Variants in DHRS9 observed in about 807,000 individuals in gnomAD.
The protein encoded by DHRS9 is dehydrogenase/reductase 9.
A neutral mutation model predicts 26.6 loss-of-function variants in DHRS9; 18 were observed. That is an observed-to-expected ratio of 0.68 (90% CI 0.47 to 1.00). The LOEUF is 1.00. DHRS9 is among the 50% of genes least tolerant of loss of function. The pLI, the probability that DHRS9 is intolerant of heterozygous loss-of-function variation, is 0.00. For missense variants in DHRS9, 425 were observed against 378.7 expected (o/e 1.12, Z -1.01); for synonymous variants, 134 against 141.1 (o/e 0.95, Z 0.36).
chr2:169,089,913 CCTCCATTGGT>C (rs1230717942), intron 3 of DHRS9, among the ~76,000 whole-genome samples: 1 of 152,152 alleles, frequency 6.6e-6, no homozygotes, highest in Non-Finnish European at 1.5e-5. Flanking sequence ...CATAAAAAAA[CCTCCATTGGT>C]CTCTTTGGTT....
chr2:169,072,877 T>C (rs1683849326), intron 1 of DHRS9, among the ~76,000 whole-genome samples: 1 of 152,202 alleles, frequency 6.6e-6, no homozygotes, highest in Non-Finnish European at 1.5e-5. Context: ...CTCTGGCAAG[T>C]GACCATAGTT....
chr2:169,078,815 CTTTTTTTTTTTT>C (rs200691133), intron 1 of DHRS9, among the ~76,000 whole-genome samples: 1 of 110,366 alleles, frequency 9.1e-6, no homozygotes, highest in Admixed American at 9.3e-5. Flanking sequence ...TATCAACTGA[CTTTTTTTTTTTT>C]TTTTTTTTTT....
chr2:169,092,714 C>T (rs1325048549), intron 4 of DHRS9, among the ~76,000 whole-genome samples: 1 of 152,066 alleles, frequency 6.6e-6, no homozygotes, highest in Non-Finnish European at 1.5e-5. Context: ...ATGGAAGACA[C>T]CAGGAGCCTT....
At chr2:169,092,027 A>G in intron 4 of DHRS9, 74 bp downstream of exon 4, 1 of 1,493,534 alleles carries the variant, frequency 6.7e-7, no homozygotes, top group South Asian at 1.3e-5. Context: ...TCAAATACAG[A>G]TGAAATAACA....
chr2:169,087,714 G>T (rs1429940978), intron 3 of DHRS9, among the ~76,000 whole-genome samples: 2 of 152,114 alleles, frequency 1.3e-5, no homozygotes, highest in African/African-American at 4.8e-5. Context: ...AATGAATTTT[G>T]CTAGGACTAA....
rs367872457 is a variant in DHRS9, at chr2:169,095,611, G to C, written c.804G>C (p.Met268Ile). 3 of 1,613,674 alleles carry C rather than the reference G, an allele frequency of 1.9e-6. No homozygotes were observed. The African/African-American group carries it at 4.0e-5, about 22-fold the overall frequency. The stretch of plus-strand genomic sequence containing the variant: ...ACCTCTCTCCGGTGGTAGAGTGCAT[G>C]GACCACGCTCTAACAAGTCTCTTCC... Reference protein sequence around the residue: ...NMDLSPVVECMDHALTSLFPK... With the variant: ...NMDLSPVVECIDHALTSLFPK... Residue 268 changes from methionine (M) to isoleucine (I), a missense_variant, in exon 5 of 5, where the codon ATG (methionine) becomes ATC (isoleucine). Met to Ile is a conservative substitution (Grantham distance 10). Coordinates refer to ENST00000674881, the MANE Select transcript of DHRS9 (RefSeq NM_001376924.1).
At chr2:169,074,801 A>G (rs1683915403) in intron 1 of DHRS9, among the ~76,000 whole-genome samples, 1 of 152,220 alleles carries the variant, frequency 6.6e-6, no homozygotes, top group Admixed American at 6.5e-5. Context: ...AGGAGAGTGT[A>G]GCAAAACTCT....
At chr2:169,067,214 G>C (rs1207357793), upstream of DHRS9, 1 of 1,535,570 alleles carries the variant, frequency 6.5e-7, no homozygotes, top group Non-Finnish European at 8.7e-7. Context: ...AGCCTTACAA[G>C]AGTGACACTG....
rs763763854 is a variant in DHRS9, at chr2:169,083,421, G to A, written c.406G>A (p.Val136Met). Residue 136 changes from valine (V) to methionine (M), a missense_variant, in exon 3 of 5, where the codon GTG (valine) becomes ATG (methionine). By Grantham distance (21) the Val-to-Met change is conservative (BLOSUM62 1). Coordinates refer to ENST00000674881, the MANE Select transcript of DHRS9 (RefSeq NM_001376924.1). The part of the protein sequence containing the change: ...TLEDYREPIE[V>M]NLFGLISVTL... ...AGAGGACTACAGAGAACCTATTGAA[G>A]TGAACCTGTTTGGACTCATCAGTGT... 2 of 1,614,122 alleles carry A rather than the reference G, an allele frequency of 1.2e-6. No homozygotes were observed. Among genetic ancestry groups the A allele is most frequent in the Middle Eastern group, 1.7e-4 (1 of 6,060 alleles).
At chr2:169,078,077 G>GC (rs1008115566) in intron 1 of DHRS9, among the ~76,000 whole-genome samples, 6 of 152,162 alleles carry the variant, frequency 3.9e-5, no homozygotes, top group Admixed American at 2.0e-4. Flanking sequence ...AGTCCCCAGA[G>GC]CCCCTCATCT....
intron 3 of DHRS9, among the ~76,000 whole-genome samples, chr2:169,085,472 A>G (rs907449360): frequency 2.0e-5 from 3 of 152,154 alleles, no homozygotes; most frequent in Admixed American, 1.3e-4. Context: ...AACATGGAAT[A>G]CCTTTCCACT....
intron 3 of DHRS9, among the ~76,000 whole-genome samples, chr2:169,086,868 A>G (rs963822534): frequency 1.3e-5 from 2 of 152,186 alleles, no homozygotes; most frequent in Admixed American, 6.5e-5. Flanking sequence ...GCTTCTGTCT[A>G]TATACTGAGC....
chr2:169,090,213 G>T (rs914612948), intron 3 of DHRS9, among the ~76,000 whole-genome samples: 7 of 152,172 alleles, frequency 4.6e-5, no homozygotes, highest in African/African-American at 1.7e-4. Context: ...TTTGAGAGAG[G>T]GTTGGGGCTC....
Position 169,091,920 on chromosome 2 carries a change from AAAC to A in DHRS9, c.709_711del (p.Gln237del), listed in dbSNP as rs1416530373. On this transcript the variant is annotated inframe_deletion, in exon 4 of 5. Coordinates refer to ENST00000674881, the MANE Select transcript of DHRS9 (RefSeq NM_001376924.1). ...TTGGGAGCAGCTGTCTCCAGACATCAAACAACAATATGGAGAAGGTTACATTGA... is the reference window on the plus strand; with the variant it reads ...TTGGGAGCAGCTGTCTCCAGACATCAAACAATATGGAGAAGGTTACATTGA... 2.2e-5 allele frequency: 36 copies of A among 1,614,060 alleles called. No individual in the cohort carries two copies. The East Asian group carries it at 7.8e-4, about 35-fold the overall frequency.
intron 4 of DHRS9, 106 bp from the exon 5 acceptor site, chr2:169,095,438 C>T (rs1684662554): frequency 1.2e-6 from 1 of 864,022 alleles, no homozygotes. Flanking sequence ...TTATAATGGA[C>T]AATTCAGAAT....
chr2:169,091,975 A>G (rs1378903205), intron 4 of DHRS9, 22 bp downstream of exon 4: 3 of 1,610,398 alleles, frequency 1.9e-6, no homozygotes, highest in East Asian at 2.2e-5. Context: ...GGCGGTGCCA[A>G]TGTCCTCTAG....
chr2:169,072,854 A>C lies in DHRS9; in HGVS notation c.-60+3137A>C, dbSNP rs138800134. Among the ~76,000 whole-genome samples the C allele has an allele frequency of 1.4e-4, 22 of 152,308 alleles. No homozygotes were observed. The East Asian group carries it at 4.2e-3, about 29-fold the overall frequency. On this transcript the variant is annotated intron_variant, in intron 1 of 4. Transcript: ENST00000674881. ...CACAGTTTAGAGTTCAGAGAGTTTT[A>C]GTTCTGGTCACTCTCTGGCAAGTGA... is the stretch of plus-strand genomic sequence containing the variant.
chr2:169,092,613 A>G (rs1269057558), intron 4 of DHRS9, among the ~76,000 whole-genome samples: 1 of 152,192 alleles, frequency 6.6e-6, no homozygotes, highest in African/African-American at 2.4e-5. Context: ...GTTAAGCCCT[A>G]ATGGGGCAGG....
rs1233405948 is a variant in DHRS9, at chr2:169,076,010, A to C, written c.-59-5513A>C. Among the ~76,000 whole-genome samples, 5 of 152,224 alleles carry C rather than the reference A, an allele frequency of 3.3e-5. No homozygotes were observed. In the East Asian group the frequency reaches 9.6e-4, roughly 29 times the overall value. On this transcript the variant is annotated intron_variant, in intron 1 of 4. Transcript: ENST00000674881. ...ACTGTCTGTCATCGGAATTTGACCC[A>C]CTAGTTTTAGCATCCATTGATCATT...
Sources: gnomAD v4.1 joint callset for allele counts (sites outside exome capture counted in the v4.1 genomes callset) on GRCh38, gnomAD v4.1.1 for gene constraint, MANE v1.5 for transcripts, NCBI Gene and HGNC (gene_info 2026-07-23, HGNC 2026-07-21) for gene names.